Variants in PXK observed in about 807,000 individuals in gnomAD.
PXK encodes the protein PX domain-containing protein kinase-like protein.
A neutral mutation model predicts 84.7 loss-of-function variants in PXK; 35 were observed. That is an observed-to-expected ratio of 0.41 (90% CI 0.32 to 0.55). PXK has a LOEUF of 0.55. Ranked by LOEUF, PXK falls within the 20% of genes least tolerant of loss-of-function variation. The pLI, the probability that PXK is intolerant of heterozygous loss-of-function variation, is 0.21. For synonymous variants in PXK, 253 were observed against 260.8 expected (o/e 0.97, Z 0.29); for missense variants, 634 against 699.7 (o/e 0.91, Z 1.06).
At chr3:58,395,625 G>A (rs775515018) in intron 8 of PXK, 33 bp from the exon 9 acceptor site, 2 of 1,540,296 alleles carry the variant, frequency 1.3e-6, no homozygotes, top group Admixed American at 3.4e-5. Flanking sequence ...CCCCTCTGCT[G>A]CTTTCTTACG....
At chr3:58,351,859 G>C (rs1200878974) in intron 1 of PXK, among the ~76,000 whole-genome samples, 5 of 152,106 alleles carry the variant, frequency 3.3e-5, no homozygotes, top group African/African-American at 1.2e-4. Context: ...CGTCTTCTGT[G>C]CTTGCTGATT....
intron 3 of PXK, among the ~76,000 whole-genome samples, chr3:58,381,900 G>A (rs1285813769): frequency 2.0e-5 from 3 of 152,180 alleles, no homozygotes; most frequent in African/African-American, 7.2e-5. Flanking sequence ...TCACCTGGTA[G>A]CAGGGGTAAG....
rs1373535757 is a variant in PXK, at chr3:58,414,239, G to A, written c.1528+1276G>A. The A allele has an allele frequency of 6.6e-6, 1 of 151,998 alleles. No individual in the cohort carries two copies. Among genetic ancestry groups the A allele is most frequent in the African/African-American group, 2.4e-5 (1 of 41,374 alleles). The allele number at this position is 151,998 out of a possible 1,614,324, so 9.4% of individuals were successfully genotyped here. ...TAGGATATTAATTTAACACCACTTG[G>A]GCATATTAAGAAAATTGGAGAAAAT... On this transcript the variant is annotated intron_variant, in intron 17 of 17. Transcript: ENST00000356151. The surrounding 1 kb of genome is among the most constrained non-coding windows in gnomAD (Gnocchi z 4.5).
intron 3 of PXK, among the ~76,000 whole-genome samples, chr3:58,381,581 A>G (rs2098503851): frequency 6.6e-6 from 1 of 150,972 alleles, no homozygotes; most frequent in South Asian, 2.1e-4. Flanking sequence ...AAAGACTACA[A>G]GTTGCTGTAA....
At position 58,401,807 on chromosome 3, in the gene PXK, G is replaced by A. The variant is rs11923154; in HGVS notation, c.1182-2055G>A. On this transcript the variant is annotated intron_variant, in intron 12 of 17. Transcript: ENST00000356151. The surrounding 1 kb of genome is among the most constrained non-coding windows in gnomAD (Gnocchi z 4.4). ...CCGAGCGTGGTGGCGGGCGTCTGTA[G>A]TCCCAGCTACCCAGGAGGCGGAGTT... is the stretch of plus-strand genomic sequence containing the variant. Among the ~76,000 whole-genome samples, 45,038 of 151,586 alleles carry A rather than the reference G, an allele frequency of 0.3. 7,436 individuals carry two copies. The highest frequency in any genetic ancestry group is 0.4 in the Middle Eastern group (116 of 290).
At chr3:58,393,280 G>C (rs186921475) in intron 7 of PXK, among the ~76,000 whole-genome samples, 6 of 151,986 alleles carry the variant, frequency 3.9e-5, no homozygotes, top group Non-Finnish European at 8.8e-5. Context: ...CCCGGGAGGC[G>C]GAGCTTGCAG....
At chr3:58,340,004 G>C (rs2097700274) in intron 1 of PXK, among the ~76,000 whole-genome samples, 1 of 151,858 alleles carries the variant, frequency 6.6e-6, no homozygotes, top group Admixed American at 6.6e-5. Context: ...TTTTAGTAGA[G>C]ACGGGGTTTC....
chr3:58,366,805 G>T (rs751095012), intron 2 of PXK, among the ~76,000 whole-genome samples: 2 of 152,176 alleles, frequency 1.3e-5, no homozygotes, highest in African/African-American at 2.4e-5. Flanking sequence ...CTATGTGGTA[G>T]TATTGTCCTC....
intron 3 of PXK, among the ~76,000 whole-genome samples, chr3:58,377,968 G>A (rs879319697): frequency 6.6e-6 from 1 of 152,166 alleles, no homozygotes; most frequent in African/African-American, 2.4e-5. Context: ...TGGGGTGAAG[G>A]TCAAGGAGTT....
chr3:58,415,174 C>G (rs2060775454), intron 17 of PXK, among the ~76,000 whole-genome samples: 1 of 151,936 alleles, frequency 6.6e-6, no homozygotes, highest in Admixed American at 6.6e-5. Context: ...TGGTTCTGTC[C>G]ACCACCAAGT....
intron 13 of PXK, among the ~76,000 whole-genome samples, chr3:58,406,141 A>G (rs897678967): frequency 2.0e-5 from 3 of 151,880 alleles, no homozygotes; most frequent in Non-Finnish European, 4.4e-5. Context: ...TAATTTTTGT[A>G]TTTTTAGTAG....
intron 1 of PXK, among the ~76,000 whole-genome samples, chr3:58,354,948 G>T (rs552575740): frequency 2.6e-5 from 4 of 152,018 alleles, no homozygotes; most frequent in African/African-American, 9.6e-5. Context: ...GTAAAATCCC[G>T]TCTCTACTAA....
chr3:58,385,302 G>C lies in PXK; in HGVS notation c.388+2602G>C, dbSNP rs2098542042. Among the ~76,000 whole-genome samples, 1 of 152,178 alleles carries C rather than the reference G, an allele frequency of 6.6e-6. No homozygotes were observed. The highest frequency in any genetic ancestry group is 1.5e-5 in the Non-Finnish European group (1 of 68,026). ...TGGATGCTGTTTTCAGAGAGATGTT[G>C]ATTTATTTCACCCTTTGAATGAAAT... On this transcript the variant is annotated intron_variant, in intron 4 of 17. Coordinates refer to ENST00000356151, the MANE Select transcript of PXK (RefSeq NM_017771.5). The surrounding 1 kb of genome is among the most constrained non-coding windows in gnomAD (Gnocchi z 5.1).
At chr3:58,419,512 C>T (rs967294266) in intron 17 of PXK, among the ~76,000 whole-genome samples, 3 of 152,262 alleles carry the variant, frequency 2.0e-5, no homozygotes, top group African/African-American at 7.2e-5. Flanking sequence ...CTTGGCCTCC[C>T]AAAGTGCTGG....
intron 1 of PXK, among the ~76,000 whole-genome samples, chr3:58,359,663 A>G (rs750299451): frequency 3.9e-5 from 6 of 152,214 alleles, no homozygotes; most frequent in Non-Finnish European, 8.8e-5. Context: ...GTTTGGAGTT[A>G]TCCAATTATA....
chr3:58,412,891 T>TTTA lies in PXK; in HGVS notation c.1466-8_1466-6dup. Reference sequence around the variant, plus strand: ...GGTCCCCATGAGGGTTTCTCTGTGTTTTATCTTAGCAGGATCTGGGGCCAG... The same window carrying TTTA: ...GGTCCCCATGAGGGTTTCTCTGTGTTTTATTATCTTAGCAGGATCTGGGGCCAG... On this transcript the variant is annotated splice_polypyrimidine_tract_variant and intron_variant, in intron 16 of 17. Coordinates refer to ENST00000356151, the MANE Select transcript of PXK (RefSeq NM_017771.5). The surrounding 1 kb of genome is among the most constrained non-coding windows in gnomAD (Gnocchi z 6.2). 6.2e-7 allele frequency: 1 copy of TTTA among 1,614,150 alleles called. No individual in the cohort carries two copies. Among genetic ancestry groups the TTTA allele is most frequent in the Non-Finnish European group, 8.5e-7 (1 of 1,180,006 alleles).
Position 58,397,577 on chromosome 3 carries a change from G to A in PXK, c.985-28G>A, listed in dbSNP as rs763503306. ...GGTCCACAAAGCCAAAGTGAAGGGT[G>A]AACACGCTGCTACTCTTTCTTCCAC... On this transcript the variant is annotated intron_variant, in intron 10 of 17. Coordinates refer to ENST00000356151, the MANE Select transcript of PXK (RefSeq NM_017771.5). This position sits in a 1 kb window ranked among gnomAD's most constrained non-coding sequence, Gnocchi z 4.7. The A allele has an allele frequency of 1.3e-6, 2 of 1,579,654 alleles. No individual in the cohort carries two copies. The highest frequency in any genetic ancestry group is 1.3e-5 in the African/African-American group (1 of 74,134).
chr3:58,413,613 C>G (rs926709642), intron 17 of PXK: 11 of 151,986 alleles, frequency 7.2e-5, no homozygotes, highest in Admixed American at 2.6e-4. Context: ...ATAATACTAT[C>G]TTTTATTTTT....
intron 1 of PXK, among the ~76,000 whole-genome samples, chr3:58,339,645 C>T (rs147926501): frequency 9.4e-4 from 143 of 152,152 alleles, no homozygotes; most frequent in Non-Finnish European, 1.7e-3. Context: ...AATATAAATC[C>T]GAGTACCTGA....
Sources: allele counts gnomAD v4.1 joint callset (sites outside exome capture counted in the v4.1 genomes callset), GRCh38; gene constraint gnomAD v4.1.1; non-coding constraint Gnocchi (gnomAD v3.1); transcripts MANE v1.5; gene names NCBI Gene and HGNC (gene_info 2026-07-23, HGNC 2026-07-21).